ESAM: variants seen among roughly 807,000 people sequenced by gnomAD.
ESAM encodes the protein endothelial cell-selective adhesion molecule.
ESAM carries 23 observed loss-of-function variants against 31.8 expected under a neutral mutation model. The ratio of observed to expected loss-of-function variants is 0.72; its 90% confidence interval spans 0.52 to 1.03. ESAM has a LOEUF of 1.03. Ranked by LOEUF, ESAM falls within the 50% of genes least tolerant of loss-of-function variation. The probability of loss-of-function intolerance (pLI) is 0.00; values close to 1 mark genes in which losing one functional copy is unlikely to be tolerated. For synonymous variants in ESAM, 216 were observed against 207.2 expected (o/e 1.04, Z -0.37); for missense variants, 478 against 488.9 (o/e 0.98, Z 0.21).
At chr11:124,755,960 C>G (rs1944147756) in intron 4 of ESAM, among the ~76,000 whole-genome samples, 1 of 152,166 alleles carries the variant, frequency 6.6e-6, no homozygotes, top group Non-Finnish European at 1.5e-5. Flanking sequence ...ACTAGAAGAG[C>G]TGGAATTTGA....
At chr11:124,757,693 C>CTTTT (rs5795429) in intron 2 of ESAM, among the ~76,000 whole-genome samples, 7 of 125,006 alleles carry the variant, frequency 5.6e-5, no homozygotes, top group East Asian at 2.3e-4. Context: ...AATATGCTAA[C>CTTTT]TTTTTTTTTT....
Position 124,754,797 on chromosome 11 carries a change from C to T in ESAM, c.608-34G>A. 6.4e-7 allele frequency: 1 copy of T among 1,556,010 alleles called. No homozygotes were observed. Among genetic ancestry groups the T allele is most frequent in the Non-Finnish European group, 8.6e-7 (1 of 1,156,542 alleles). On this transcript the variant is annotated intron_variant, in intron 4 of 6. Transcript: ENST00000278927. This position sits in a 1 kb window ranked among gnomAD's most constrained non-coding sequence, Gnocchi z 4.5. ...ACAATTTAGCCATCAGTCCAGGGAC[C>T]CTCTTTCCCATTAAAAAAAAAAAAA...
rs772611859 is a variant in ESAM, at chr11:124,759,585, AG to A, written c.71-1059del. Among the ~76,000 whole-genome samples the A allele has an allele frequency of 1.4e-4, 22 of 152,212 alleles. No individual in the cohort carries two copies. The highest frequency in any genetic ancestry group is 2.8e-4 in the Non-Finnish European group (19 of 68,022). ...AACGCCGCGGGAAGAGGCCGCAGCCAGGCCCCGCTCTCCACCCTCGCCCTAG... is the reference window on the plus strand; with the variant it reads ...AACGCCGCGGGAAGAGGCCGCAGCCAGCCCCGCTCTCCACCCTCGCCCTAG... On this transcript the variant is annotated intron_variant, in intron 1 of 6. Transcript: ENST00000278927. This position sits in a 1 kb window ranked among gnomAD's most constrained non-coding sequence, Gnocchi z 6.8.
In ESAM at chr11:124,762,238, A is replaced by C. The variant is rs532759264; in HGVS notation, c.-84T>G. ...GGTGCCGAGGCTGCGCGACGGCCGG[A>C]GCGTGCGCGGGAGCCGAGCCGCTGA... On this transcript the variant is annotated 5_prime_UTR_variant, in exon 1 of 7. Coordinates refer to ENST00000278927, the MANE Select transcript of ESAM (RefSeq NM_138961.3). This position sits in a 1 kb window ranked among gnomAD's most constrained non-coding sequence, Gnocchi z 6.4. The C allele has an allele frequency of 1.7e-5, 19 of 1,131,858 alleles. No individual in the cohort carries two copies. In the South Asian group the frequency reaches 2.8e-4, roughly 17 times the overall value. 70.1% of individuals were successfully genotyped at this position (1,131,858 alleles called of 1,614,324 possible).
At chr11:124,756,894 G>C (rs1047704044) in intron 2 of ESAM, 152 bp from the exon 3 acceptor site, 1 of 772,648 alleles carries the variant, frequency 1.3e-6, no homozygotes, top group African/African-American at 1.7e-5. Flanking sequence ...TTCACCTTTT[G>C]TCCCTAGCCC....
intron 1 of ESAM, among the ~76,000 whole-genome samples, chr11:124,761,058 C>T (rs988950547): frequency 6.6e-6 from 1 of 152,178 alleles, no homozygotes; most frequent in Non-Finnish European, 1.5e-5. Context: ...CTAAAGGGGA[C>T]ACTGGTGATC....
In ESAM at chr11:124,753,595, C is replaced by T; in HGVS notation, c.*51G>A. On this transcript the variant is annotated 3_prime_UTR_variant, in exon 7 of 7. Coordinates refer to ENST00000278927, the MANE Select transcript of ESAM (RefSeq NM_138961.3). ...TCAGGCCTCTGTGCTAGAGGTGACC[C>T]TTATAGGAAGGAGAGACCCCAAATC... The T allele has an allele frequency of 6.9e-6, 11 of 1,602,728 alleles. No homozygotes were observed. Among genetic ancestry groups the T allele is most frequent in the Non-Finnish European group, 9.4e-6 (11 of 1,174,818 alleles).
At chr11:124,761,285 T>C (rs1392842342) in intron 1 of ESAM, among the ~76,000 whole-genome samples, 1 of 152,206 alleles carries the variant, frequency 6.6e-6, no homozygotes, top group Non-Finnish European at 1.5e-5. Flanking sequence ...CTCTCCCAGA[T>C]GGAGTTCTGA....
At position 124,754,188 on chromosome 11, in the gene ESAM, C is replaced by A; in HGVS notation, c.857+26G>T. The A allele has an allele frequency of 6.2e-7, 1 of 1,610,166 alleles. No homozygotes were observed. The stretch of plus-strand genomic sequence containing the variant: ...GTGAGGAGAGCTGGGAGAGCCCCCG[C>A]TGCAGCAGACACCAGGGACACTTAC... On this transcript the variant is annotated intron_variant, in intron 6 of 6. Transcript: ENST00000278927. The surrounding 1 kb of genome is among the most constrained non-coding windows in gnomAD (Gnocchi z 4.5).
intron 1 of ESAM, among the ~76,000 whole-genome samples, chr11:124,761,168 T>C (rs1252705905): frequency 2.6e-5 from 4 of 152,126 alleles, no homozygotes; most frequent in African/African-American, 9.7e-5. Flanking sequence ...AAAGTCAATA[T>C]AGCTAAACCC....
chr11:124,753,998 GT>G, intron 6 of ESAM, 37 bp from the exon 7 acceptor site: 4 of 1,605,730 alleles, frequency 2.5e-6, no homozygotes, highest in Non-Finnish European at 2.6e-6. Context: ...TCAGAAGTGG[GT>G]GGGGGAAGGA....
intron 1 of ESAM, 130 bp downstream of exon 1, chr11:124,761,955 G>T: frequency 1.2e-6 from 1 of 816,224 alleles, no homozygotes; most frequent in Non-Finnish European, 2.0e-6. Context: ...CCCTGGAGTG[G>T]GATTAGGAGG....
intron 1 of ESAM, among the ~76,000 whole-genome samples, chr11:124,760,024 G>A (rs957198560): frequency 6.6e-6 from 1 of 152,208 alleles, no homozygotes; most frequent in African/African-American, 2.4e-5. Context: ...GGCCCAGAAG[G>A]GGCGCGCCCT....
At position 124,759,873 on chromosome 11, in the gene ESAM, C is replaced by T. The variant is rs915797474; in HGVS notation, c.71-1346G>A. On this transcript the variant is annotated intron_variant, in intron 1 of 6. Transcript: ENST00000278927. The surrounding 1 kb of genome is among the most constrained non-coding windows in gnomAD (Gnocchi z 6.8). Reference sequence around the variant, plus strand: ...ACAATCCCCGCCTCAAGGAGCTGGACGCCCCCTGGGGACCCGGCCCGCTGG... The same window carrying T: ...ACAATCCCCGCCTCAAGGAGCTGGATGCCCCCTGGGGACCCGGCCCGCTGG... Among the ~76,000 whole-genome samples the T allele has an allele frequency of 1.3e-5, 2 of 152,250 alleles. No individual in the cohort carries two copies. The highest frequency in any genetic ancestry group is 2.1e-4 in the South Asian group (1 of 4,834).
intron 3 of ESAM, 69 bp from the exon 4 acceptor site, chr11:124,756,431 C>G (rs1944155659): frequency 1.3e-5 from 21 of 1,578,340 alleles, no homozygotes; most frequent in Non-Finnish European, 1.8e-5. Flanking sequence ...TGCCCTGCAC[C>G]CTTCTGTCGC....
chr11:124,756,792 G>T, intron 2 of ESAM, 50 bp from the exon 3 acceptor site: 1 of 1,544,834 alleles, frequency 6.5e-7, no homozygotes, highest in Non-Finnish European at 8.7e-7. Flanking sequence ...TGTCTACTGT[G>T]CCTACAGGCT....
Position 124,753,249 on chromosome 11 carries a change from A to G in ESAM, c.*397T>C, listed in dbSNP as rs1944112869. On this transcript the variant is annotated 3_prime_UTR_variant, in exon 7 of 7. Coordinates refer to ENST00000278927, the MANE Select transcript of ESAM (RefSeq NM_138961.3). ...TGCCCCAGTAAAACCTAACCAAGCC[A>G]GCCTGACAGGTTATATCAATACAGG... The G allele has an allele frequency of 5.0e-6, 1 of 198,248 alleles. No individual in the cohort carries two copies. Among genetic ancestry groups the G allele is most frequent in the African/African-American group, 2.3e-5 (1 of 42,878 alleles). 12.3% of individuals were successfully genotyped at this position (198,248 alleles called of 1,614,324 possible). A position where few individuals can be genotyped will look rare whatever the true frequency, so the allele number is the denominator to read the frequency against.
chr11:124,760,806 GC>G (rs1396470580), intron 1 of ESAM, among the ~76,000 whole-genome samples: 3 of 152,176 alleles, frequency 2.0e-5, no homozygotes, highest in Non-Finnish European at 4.4e-5. Context: ...GATTCCCCCA[GC>G]CCCCACCCCC....
chr11:124,753,349 A>T lies in ESAM; in HGVS notation c.*297T>A. 5.0e-6 allele frequency: 2 copies of T among 400,374 alleles called. No individual in the cohort carries two copies. The highest frequency in any genetic ancestry group is 9.1e-6 in the Non-Finnish European group (2 of 219,942). The allele number at this position is 400,374 out of a possible 1,614,324, so 24.8% of individuals were successfully genotyped here. On this transcript the variant is annotated 3_prime_UTR_variant, in exon 7 of 7. Coordinates refer to ENST00000278927, the MANE Select transcript of ESAM (RefSeq NM_138961.3). ...TCAAGGGGGCCTGGGAGACTCAGTG[A>T]CTGGAAGTCTCTGCCCCTCACTCTT...
Sources: gnomAD v4.1 joint callset for allele counts (sites outside exome capture counted in the v4.1 genomes callset) on GRCh38, gnomAD v4.1.1 for gene constraint, Gnocchi (gnomAD v3.1) non-coding constraint, MANE v1.5 for transcripts, NCBI Gene and HGNC (gene_info 2026-07-23, HGNC 2026-07-21) for gene names.